Variants in KCNT2 observed in about 807,000 individuals in gnomAD.
KCNT2 encodes potassium channel subfamily T member 2.
KCNT2 carries 67 observed loss-of-function variants against 153.8 expected under a neutral mutation model. The observed-to-expected ratio is 0.44, with a 90% CI of 0.36 to 0.53. The LOEUF is 0.53. Among genes scored for constraint, KCNT2 ranks in the 20% least tolerant of loss-of-function variants. The pLI is 0.00. For synonymous variants in KCNT2, 500 were observed against 458.8 expected (o/e 1.09, Z -1.15); for missense variants, 975 against 1,354.8 (o/e 0.72, Z 4.40).
chr1:196,467,808 A>C (rs1412098779), intron 6 of KCNT2, 22 bp from the exon 7 acceptor site: 2 of 1,491,620 alleles, frequency 1.3e-6, no homozygotes, highest in Non-Finnish European at 1.9e-6. Flanking sequence ...AACAAAACAA[A>C]ACTAGACTTT....
Position 196,453,688 on chromosome 1 carries a change from G to A in KCNT2, c.638+11605C>T, listed in dbSNP as rs544064776. 1.3e-4 allele frequency among the ~76,000 whole-genome samples: 20 copies of A among 151,950 alleles called. No homozygotes were observed. The South Asian group carries it at 3.5e-3, about 27-fold the overall frequency. On this transcript the variant is annotated intron_variant, in intron 8 of 27. Transcript: ENST00000294725. ...CACATCCAATGGGGGGATAATTCACGTGTCACCACAAATGTTACTCCTTAG... is the reference window on the plus strand; with the variant it reads ...CACATCCAATGGGGGGATAATTCACATGTCACCACAAATGTTACTCCTTAG...
At chr1:196,229,783 T>A (rs116193903) in intron 27 of KCNT2, among the ~76,000 whole-genome samples, 2 of 152,168 alleles carry the variant, frequency 1.3e-5, no homozygotes, top group Non-Finnish European at 2.9e-5. Flanking sequence ...GGAAAAAAGA[T>A]CAAACCAGCT....
At chr1:196,253,620 A>G (rs1447820805) in intron 26 of KCNT2, among the ~76,000 whole-genome samples, 1 of 151,570 alleles carries the variant, frequency 6.6e-6, no homozygotes, top group Non-Finnish European at 1.5e-5. Flanking sequence ...CCTGGGGAAC[A>G]AAGTTATACG....
At chr1:196,242,681 ACT>A (rs1185008154) in intron 26 of KCNT2, among the ~76,000 whole-genome samples, 3 of 152,048 alleles carry the variant, frequency 2.0e-5, no homozygotes, top group Non-Finnish European at 4.4e-5. Flanking sequence ...ATCACAGATA[ACT>A]CTAATTCTGA....
intron 12 of KCNT2, among the ~76,000 whole-genome samples, chr1:196,415,006 C>T (rs1186087258): frequency 6.6e-6 from 1 of 151,864 alleles, no homozygotes; most frequent in Non-Finnish European, 1.5e-5. Flanking sequence ...GAAAAGTTTA[C>T]TGCATGTGAA....
At chr1:196,509,088 G>A (rs914529067) in intron 1 of KCNT2, among the ~76,000 whole-genome samples, 8 of 151,996 alleles carry the variant, frequency 5.3e-5, no homozygotes, top group Non-Finnish European at 1.2e-4. Flanking sequence ...GCCCAATATG[G>A]TGAAACCCCG....
intron 16 of KCNT2, among the ~76,000 whole-genome samples, chr1:196,334,955 C>T (rs1664873140): frequency 6.6e-6 from 1 of 151,990 alleles, no homozygotes; most frequent in African/African-American, 2.4e-5. Flanking sequence ...GAATGGCAAG[C>T]CCAAGCCCAA....
chr1:196,322,287 A>G (rs1329669267), intron 19 of KCNT2, among the ~76,000 whole-genome samples: 1 of 151,914 alleles, frequency 6.6e-6, no homozygotes, highest in Non-Finnish European at 1.5e-5. Flanking sequence ...ATTGTTACTT[A>G]TACAAAATTT....
chr1:196,314,277 A>C (rs967637730), intron 21 of KCNT2, among the ~76,000 whole-genome samples: 7 of 151,594 alleles, frequency 4.6e-5, no homozygotes, highest in African/African-American at 1.7e-4. Context: ...TCTTTTATAT[A>C]ATTAGCTTTT....
At chr1:196,409,058 C>A (rs1474574880) in intron 12 of KCNT2, among the ~76,000 whole-genome samples, 1 of 149,646 alleles carries the variant, frequency 6.7e-6, no homozygotes, top group South Asian at 2.1e-4. Context: ...ATGAAGCACA[C>A]ACACACATTT....
intron 1 of KCNT2, among the ~76,000 whole-genome samples, chr1:196,492,745 A>T (rs1309489933): frequency 1.3e-5 from 2 of 152,140 alleles, no homozygotes; most frequent in Non-Finnish European, 2.9e-5. Context: ...GTAAGAATTA[A>T]CTGACGTTTG....
chr1:196,402,441 A>G (rs1164886593), intron 12 of KCNT2, among the ~76,000 whole-genome samples: 1 of 151,632 alleles, frequency 6.6e-6, no homozygotes, highest in Non-Finnish European at 1.5e-5. Context: ...AATTTTAACA[A>G]GTGGTATAAC....
At chr1:196,583,217 C>T (rs894665468) in intron 1 of KCNT2, among the ~76,000 whole-genome samples, 2 of 151,992 alleles carry the variant, frequency 1.3e-5, no homozygotes, top group African/African-American at 4.8e-5. Flanking sequence ...ACAATTTGAG[C>T]CATCTATGAA....
chr1:196,428,813 G>A (rs1673879163), intron 9 of KCNT2, among the ~76,000 whole-genome samples: 1 of 152,040 alleles, frequency 6.6e-6, no homozygotes, highest in Admixed American at 6.6e-5. Flanking sequence ...GTTTTGCAAT[G>A]GAATATGCAA....
At chr1:196,393,942 C>T (rs1036728760) in intron 13 of KCNT2, among the ~76,000 whole-genome samples, 2 of 151,434 alleles carry the variant, frequency 1.3e-5, no homozygotes, top group Non-Finnish European at 3.0e-5. Context: ...CTGCCATTGC[C>T]TCTGTCATAT....
intron 3 of KCNT2, among the ~76,000 whole-genome samples, chr1:196,484,577 A>AT (rs1679267365): frequency 6.6e-6 from 1 of 151,806 alleles, no homozygotes; most frequent in African/African-American, 2.4e-5. Flanking sequence ...TGCTTTTGGC[A>AT]TTTTTGTCAT....
chr1:196,403,990 T>C (rs1373461446), intron 12 of KCNT2: 1 of 164,874 alleles, frequency 6.1e-6, no homozygotes, highest in Non-Finnish European at 1.3e-5. Flanking sequence ...ACATCCTCGT[T>C]TGGCTTATCT....
chr1:196,509,516 A>G (rs889676920), intron 1 of KCNT2, among the ~76,000 whole-genome samples: 1 of 152,214 alleles, frequency 6.6e-6, no homozygotes, highest in Non-Finnish European at 1.5e-5. Flanking sequence ...GTTCAAAAAA[A>G]CTTTAAAAAT....
At chr1:196,366,015 T>G (rs1341310563) in intron 14 of KCNT2, among the ~76,000 whole-genome samples, 1 of 152,170 alleles carries the variant, frequency 6.6e-6, no homozygotes, top group East Asian at 1.9e-4. Context: ...CAAATTTGTA[T>G]GTTCATCAAC....
Sources: gnomAD v4.1 joint callset for allele counts (sites outside exome capture counted in the v4.1 genomes callset) on GRCh38, gnomAD v4.1.1 for gene constraint, MANE v1.5 for transcripts, NCBI Gene and HGNC (gene_info 2026-07-23, HGNC 2026-07-21) for gene names.